ANKUB1: variants seen among roughly 807,000 people sequenced by gnomAD.
The protein encoded by ANKUB1 is protein ANKUB1.
Under a neutral mutation model 49.3 loss-of-function variants are expected in ANKUB1, and 42 were observed. The observed-to-expected ratio is 0.85, with a 90% CI of 0.67 to 1.10. The LOEUF is 1.10. ANKUB1 is among the 50% of genes least tolerant of loss of function. The pLI, the probability that ANKUB1 is intolerant of heterozygous loss-of-function variation, is 0.00. For missense variants in ANKUB1, 613 were observed against 642.0 expected (o/e 0.95, Z 0.49); for synonymous variants, 222 against 231.0 (o/e 0.96, Z 0.35).
chr3:149,761,226 C>G lies in ANKUB1; in HGVS notation c.*258G>C. 1 of 295,102 alleles carries G rather than the reference C, an allele frequency of 3.4e-6. No homozygotes were observed. The highest frequency in any genetic ancestry group is 6.2e-6 in the Non-Finnish European group (1 of 160,890). The allele number at this position is 295,102 out of a possible 1,614,324, so 18.3% of individuals were successfully genotyped here. A position where few individuals can be genotyped will look rare whatever the true frequency, so the allele number is the denominator to read the frequency against. On this transcript the variant is annotated 3_prime_UTR_variant, in exon 6 of 6. Coordinates refer to ENST00000446160, the MANE Select transcript of ANKUB1 (RefSeq NM_001144960.3). ...TCCTTGTTTTCCATTGTCTCAGCTC[C>G]CCTACCCTGTGGACAACTACTATTC...
chr3:149,771,816 A>G (rs1295833193), intron 3 of ANKUB1, among the ~76,000 whole-genome samples: 2 of 151,972 alleles, frequency 1.3e-5, no homozygotes, highest in Non-Finnish European at 1.5e-5. Context: ...CCAAGTCCCA[A>G]TCTCCAGCCC....
chr3:149,771,373 T>C (rs1409718410), intron 3 of ANKUB1, among the ~76,000 whole-genome samples: 2 of 152,186 alleles, frequency 1.3e-5, no homozygotes, highest in East Asian at 3.9e-4. Flanking sequence ...TCACTCTGCT[T>C]CATTCATTTA....
At chr3:149,791,011 C>A in intron 1 of ANKUB1, 87 bp from the exon 2 acceptor site, 3 of 1,324,724 alleles carry the variant, frequency 2.3e-6, no homozygotes, top group Non-Finnish European at 3.0e-6. Context: ...ACATTTTTTT[C>A]CTCTGGGCAT....
At chr3:149,773,163 T>G (rs1717441422) in intron 3 of ANKUB1, among the ~76,000 whole-genome samples, 2 of 151,622 alleles carry the variant, frequency 1.3e-5, no homozygotes, top group South Asian at 4.1e-4. Flanking sequence ...CTGCTTCCCC[T>G]CTCTTTTCCT....
In ANKUB1 at chr3:149,767,241, A is replaced by G. The variant is rs545094649; in HGVS notation, c.1421T>C (p.Leu474Ser). 1 of 1,551,374 alleles carries G rather than the reference A, an allele frequency of 6.4e-7. No individual in the cohort carries two copies. Among genetic ancestry groups the G allele is most frequent in the African/African-American group, 1.4e-5 (1 of 73,160 alleles). Reference protein sequence around the residue: ...FFYATPSADFLLKSSFSSFLE... With the variant: ...FFYATPSADFSLKSSFSSFLE... ...GAAAGATGAGAAGGAGGACTTCAGT[A>G]AAAAGTCAGCACTGGGTGTTGCATA... The change falls in exon 5 of 6, where the codon TTA becomes TCA. Residue 474 changes from leucine (L) to serine (S), a missense_variant. By Grantham distance (145) the Leu-to-Ser change is moderately radical (BLOSUM62 -2). Coordinates refer to ENST00000446160, the MANE Select transcript of ANKUB1 (RefSeq NM_001144960.3).
intron 2 of ANKUB1, among the ~76,000 whole-genome samples, chr3:149,784,490 GGGCTGGCAGCAT>G (rs1229923096): frequency 6.6e-6 from 1 of 152,166 alleles, no homozygotes; most frequent in African/African-American, 2.4e-5. Flanking sequence ...CCTGGCAGCA[GGGCTGGCAGCAT>G]GTCCAGTGCC....
At chr3:149,763,547 A>C (rs947309423) in intron 5 of ANKUB1, among the ~76,000 whole-genome samples, 1 of 152,212 alleles carries the variant, frequency 6.6e-6, no homozygotes, top group African/African-American at 2.4e-5. Context: ...AGCTCATAAC[A>C]TTTGAGATTA....
At chr3:149,764,127 C>T (rs10513358) in intron 5 of ANKUB1, 14,309 of 429,738 alleles carry the variant, frequency 0.033, 553 homozygotes, top group African/African-American at 0.13. Flanking sequence ...ATCAAGATAG[C>T]GTCCATCCAT....
chr3:149,762,042 T>A (rs935518635), intron 5 of ANKUB1, among the ~76,000 whole-genome samples: 3 of 152,252 alleles, frequency 2.0e-5, no homozygotes, highest in Non-Finnish European at 4.4e-5. Context: ...AGGAACTTAA[T>A]GTTTTATGAT....
At chr3:149,766,433 A>G (rs1717016528) in intron 5 of ANKUB1, among the ~76,000 whole-genome samples, 1 of 152,098 alleles carries the variant, frequency 6.6e-6, no homozygotes, top group African/African-American at 2.4e-5. Context: ...TTTCCCCTCT[A>G]ATTACAATTA....
At chr3:149,777,343 G>A (rs547753748) in intron 3 of ANKUB1, among the ~76,000 whole-genome samples, 3 of 152,044 alleles carry the variant, frequency 2.0e-5, no homozygotes, top group East Asian at 1.9e-4. Flanking sequence ...GTGGTGGCGC[G>A]TGCCTGTAGT....
chr3:149,785,663 A>T (rs919193243), intron 2 of ANKUB1, among the ~76,000 whole-genome samples: 25 of 152,160 alleles, frequency 1.6e-4, no homozygotes, highest in African/African-American at 6.0e-4. Flanking sequence ...TCTATCACTG[A>T]TGGACATTTG....
At chr3:149,766,888 C>T in intron 5 of ANKUB1, 1 of 991,786 alleles carries the variant, frequency 1.0e-6, no homozygotes, top group South Asian at 1.5e-5. Context: ...AGCAAGGGAC[C>T]TTGAGAATTG....
chr3:149,792,248 T>C, intron 1 of ANKUB1, 29 bp downstream of exon 1: 1 of 1,428,706 alleles, frequency 7.0e-7, no homozygotes, highest in Admixed American at 2.6e-5. Context: ...TTAATATACA[T>C]TTTGGTGGTT....
chr3:149,771,928 C>T (rs1042160831), intron 3 of ANKUB1, among the ~76,000 whole-genome samples: 1 of 152,132 alleles, frequency 6.6e-6, no homozygotes, highest in African/African-American at 2.4e-5. Context: ...TATCTTTCAC[C>T]CAACCTGCTT....
At chr3:149,783,971 T>C (rs1404884317) in intron 2 of ANKUB1, 1 of 152,226 alleles carries the variant, frequency 6.6e-6, no homozygotes. Flanking sequence ...CATGTTTTTG[T>C]GTATAAAAAT....
intron 3 of ANKUB1, among the ~76,000 whole-genome samples, chr3:149,776,423 G>T (rs1229410258): frequency 6.6e-6 from 1 of 152,166 alleles, no homozygotes; most frequent in African/African-American, 2.4e-5. Context: ...ACATGGGCAG[G>T]ATCAGTATCT....
intron 2 of ANKUB1, 133 bp downstream of exon 2, chr3:149,790,648 A>G (rs2108283952): frequency 1.1e-6 from 1 of 873,506 alleles, no homozygotes; most frequent in Non-Finnish European, 1.7e-6. Context: ...GACCTGTTAT[A>G]CAAATGGAAG....
At chr3:149,769,582 T>G (rs1011730028) in intron 4 of ANKUB1, among the ~76,000 whole-genome samples, 14 of 152,210 alleles carry the variant, frequency 9.2e-5, no homozygotes, top group Admixed American at 5.2e-4. Context: ...CTACTGAACA[T>G]CAAATCTTAG....
Sources: allele counts gnomAD v4.1 joint callset (sites outside exome capture counted in the v4.1 genomes callset), GRCh38; gene constraint gnomAD v4.1.1; transcripts MANE v1.5; gene names NCBI Gene and HGNC (gene_info 2026-07-23, HGNC 2026-07-21).